Variants in ANO6 observed in about 807,000 individuals in gnomAD.
The protein encoded by ANO6 is anoctamin-6.
ANO6 carries 106 observed loss-of-function variants against 117.5 expected under a neutral mutation model. The ratio of observed to expected loss-of-function variants is 0.90; its 90% CI spans 0.77 to 1.06. ANO6 has a LOEUF of 1.06. Ranked by LOEUF, ANO6 falls within the 50% of genes least tolerant of loss-of-function variation. ANO6 has a pLI of 0.00. For synonymous variants in ANO6, 367 were observed against 385.1 expected, an observed-to-expected ratio of 0.95 and a Z score of 0.55; for missense variants, 955 against 1,121.1, an observed-to-expected ratio of 0.85 and a Z score of 2.12.
intron 1 of ANO6, among the ~76,000 whole-genome samples, chr12:45,293,993 A>G (rs1267011150): frequency 6.6e-6 from 1 of 152,154 alleles, no homozygotes; most frequent in Non-Finnish European, 1.5e-5. Flanking sequence ...CATGAAGTGG[A>G]GGCAAGTAAC....
chr12:45,323,911 GT>G (rs1158125381), intron 2 of ANO6, among the ~76,000 whole-genome samples: 27 of 133,462 alleles, frequency 2.0e-4, no homozygotes, highest in Non-Finnish European at 3.5e-4. Flanking sequence ...TTTCATCACT[GT>G]TTTTTTTTGT....
intron 1 of ANO6, among the ~76,000 whole-genome samples, chr12:45,259,016 A>T (rs745311294): frequency 3.3e-5 from 5 of 152,254 alleles, no homozygotes; most frequent in Non-Finnish European, 7.4e-5. Flanking sequence ...GAAGGGGTGG[A>T]TTAGGGTGAT....
At chr12:45,330,235 G>A (rs143108215) in intron 2 of ANO6, among the ~76,000 whole-genome samples, 4 of 152,188 alleles carry the variant, frequency 2.6e-5, no homozygotes, top group East Asian at 1.9e-4. Flanking sequence ...TAAATATCAC[G>A]TTTCATATAA....
intron 10 of ANO6, among the ~76,000 whole-genome samples, chr12:45,381,162 T>C (rs1474852728): frequency 1.3e-5 from 2 of 152,226 alleles, no homozygotes; most frequent in Non-Finnish European, 2.9e-5. Flanking sequence ...CATAACACTT[T>C]ACTGCTCTGA....
rs763035195 is a variant in ANO6, at chr12:45,379,226, G to A, written c.1165+1113G>A. Among the ~76,000 whole-genome samples, 102 of 152,150 alleles carry A rather than the reference G, an allele frequency of 6.7e-4. 1 individual carries two copies. The highest frequency in any genetic ancestry group is 2.0e-4 in the Admixed American group (3 of 15,278). On this transcript the variant is annotated intron_variant, in intron 10 of 19. Transcript: ENST00000320560. Reference sequence around the variant, plus strand: ...GTAACTCACAGAATCAGTTATTTACGGTGTCCTCAGCAGTATTTCTGTTTG... The same window carrying A: ...GTAACTCACAGAATCAGTTATTTACAGTGTCCTCAGCAGTATTTCTGTTTG...
Position 45,363,520 on chromosome 12 carries a change from C to T in ANO6, c.999-4168C>T, listed in dbSNP as rs112284930. Among the ~76,000 whole-genome samples, 450 of 151,090 alleles carry T rather than the reference C, an allele frequency of 3.0e-3. 2 individuals are homozygous for T. Among genetic ancestry groups the T allele is most frequent in the South Asian group, 0.011 (53 of 4,770 alleles). ...CGGAGGTTGCAGGGAGCCGAAGTCA[C>T]GCCACTGCACTCCAGCCTGGGCAAC... On this transcript the variant is annotated intron_variant, in intron 8 of 19. Coordinates refer to ENST00000320560, the MANE Select transcript of ANO6 (RefSeq NM_001025356.3).
At chr12:45,327,343 G>A (rs1416578422) in intron 2 of ANO6, among the ~76,000 whole-genome samples, 3 of 152,114 alleles carry the variant, frequency 2.0e-5, no homozygotes, top group East Asian at 1.9e-4. Context: ...TGGTGGATAC[G>A]TTGATTTTAT....
intron 9 of ANO6, among the ~76,000 whole-genome samples, chr12:45,372,478 T>A (rs370169307): frequency 2.8e-5 from 4 of 141,866 alleles, no homozygotes; most frequent in African/African-American, 5.4e-5. Context: ...CGGGTTACCC[T>A]CAAAGGGAAG....
At chr12:45,338,167 T>C (rs1940879850) in intron 3 of ANO6, among the ~76,000 whole-genome samples, 1 of 152,104 alleles carries the variant, frequency 6.6e-6, no homozygotes, top group Non-Finnish European at 1.5e-5. Flanking sequence ...ATTAATAACA[T>C]AATTTAAAGT....
chr12:45,357,138 A>G, intron 7 of ANO6, 152 bp from the exon 8 acceptor site: 10 of 800,596 alleles, frequency 1.2e-5, no homozygotes, highest in South Asian at 3.4e-5. Flanking sequence ...CGTAGAATTC[A>G]GGGTCTGCTG....
At chr12:45,344,657 CAA>C (rs1464069838) in intron 3 of ANO6, among the ~76,000 whole-genome samples, 1 of 152,108 alleles carries the variant, frequency 6.6e-6, no homozygotes, top group Non-Finnish European at 1.5e-5. Flanking sequence ...GACATTTGGG[CAA>C]AGACACAAAT....
At chr12:45,404,949 C>T (rs17095858) in intron 15 of ANO6, among the ~76,000 whole-genome samples, 7,027 of 152,186 alleles carry the variant, frequency 0.046, 283 homozygotes, top group African/African-American at 0.11. Context: ...TAACTCACTC[C>T]GGGTTTCAGT....
In ANO6 at chr12:45,350,646, T is replaced by C; in HGVS notation, c.748-13T>C. On this transcript the variant is annotated splice_polypyrimidine_tract_variant and intron_variant, in intron 6 of 19. Transcript: ENST00000320560. ...ATGATTATGGTGCTTACATGTTCCC[T>C]TCTGCGTCACAGTGCAAATTCCGCC... 1.2e-6 allele frequency: 2 copies of C among 1,604,876 alleles called. No individual in the cohort carries two copies. The highest frequency in any genetic ancestry group is 1.7e-6 in the Non-Finnish European group (2 of 1,171,828).
At chr12:45,426,975 C>T (rs1251336677) in intron 19 of ANO6, among the ~76,000 whole-genome samples, 1 of 151,724 alleles carries the variant, frequency 6.6e-6, no homozygotes, top group Non-Finnish European at 1.5e-5. Flanking sequence ...ACATCTGCTG[C>T]CCCACATGCC....
rs543082382 is a variant in ANO6 at position 45,268,205 on chromosome 12, A to G, written c.71-33809A>G. On this transcript the variant is annotated intron_variant, in intron 1 of 19. Transcript: ENST00000320560. ...TCCAGTTCCCCCACTACTCCATTAC[A>G]AACAGTAGTGCTGGATTCCTTTTAC... Among the ~76,000 whole-genome samples, 170 of 152,286 alleles carry G rather than the reference A, an allele frequency of 1.1e-3. 1 individual carries two copies. The highest frequency in any genetic ancestry group is 6.8e-3 in the Middle Eastern group (2 of 292).
chr12:45,393,559 T>A (rs933983172), intron 12 of ANO6, among the ~76,000 whole-genome samples: 2 of 151,986 alleles, frequency 1.3e-5, no homozygotes, highest in Non-Finnish European at 2.9e-5. Context: ...TCACCAAGGT[T>A]GAAATGAAGG....
At chr12:45,296,429 C>G (rs1299657863) in intron 1 of ANO6, among the ~76,000 whole-genome samples, 1 of 152,198 alleles carries the variant, frequency 6.6e-6, no homozygotes, top group Non-Finnish European at 1.5e-5. Flanking sequence ...TGTCTTTAAC[C>G]ACTTGCCAGA....
At chr12:45,358,107 T>G (rs1477031769) in intron 8 of ANO6, among the ~76,000 whole-genome samples, 1 of 152,218 alleles carries the variant, frequency 6.6e-6, no homozygotes, top group Non-Finnish European at 1.5e-5. Flanking sequence ...CCAGCAGGGA[T>G]GCAGCACGGA....
intron 1 of ANO6, among the ~76,000 whole-genome samples, chr12:45,280,016 G>C (rs1484121764): frequency 6.6e-6 from 1 of 152,166 alleles, no homozygotes; most frequent in Non-Finnish European, 1.5e-5. Flanking sequence ...TAACAGTTCA[G>C]CTCCAAAGCA....
Sources: allele counts gnomAD v4.1 joint callset (sites outside exome capture counted in the v4.1 genomes callset), GRCh38; gene constraint gnomAD v4.1.1; transcripts MANE v1.5; gene names NCBI Gene and HGNC (gene_info 2026-07-23, HGNC 2026-07-21).